ADAMTSL1: variants seen among roughly 807,000 people sequenced by gnomAD.
ADAMTSL1 encodes the protein ADAMTS-like protein 1.
ADAMTSL1 carries 126 observed loss-of-function variants against 201.8 expected under a neutral mutation model. The ratio of observed to expected loss-of-function variants is 0.62; its 90% CI spans 0.54 to 0.72. ADAMTSL1 has a LOEUF of 0.72. ADAMTSL1 is among the 30% of genes least tolerant of loss of function. The pLI is 0.00. For missense variants in ADAMTSL1, 2,679 were observed against 2,277.8 expected (o/e 1.18, Z -3.59); for synonymous variants, 1,121 against 903.4 (o/e 1.24, Z -4.32).
chr9:18,009,016 C>G (rs888434184), intron 1 of ADAMTSL1, among the ~76,000 whole-genome samples: 2 of 151,950 alleles, frequency 1.3e-5, no homozygotes, highest in African/African-American at 4.8e-5. Flanking sequence ...ATCACGAGCT[C>G]CATGTCTCTT....
At position 18,009,994 on chromosome 9, in the gene ADAMTSL1, C is replaced by T. The variant is rs551052158; in HGVS notation, c.87+103072C>T. On this transcript the variant is annotated intron_variant, in intron 1 of 29. Transcript: ENST00000680146. ...CATGAACTTCAGAAGAAACTTCGAA[C>T]CCATGCATCAATGATATGGGAAATT... Among the ~76,000 whole-genome samples the T allele has an allele frequency of 2.6e-5, 4 of 152,126 alleles. No individual in the cohort carries two copies. In the South Asian group the frequency reaches 8.3e-4, roughly 32 times the overall value.
intron 2 of ADAMTSL1, among the ~76,000 whole-genome samples, chr9:18,254,783 A>C (rs1475150231): frequency 6.6e-6 from 1 of 151,764 alleles, no homozygotes; most frequent in Non-Finnish European, 1.5e-5. Context: ...GGTATGTATA[A>C]AGTTATTAGC....
chr9:18,494,363 A>C (rs886378049), intron 1 of ADAMTSL1, among the ~76,000 whole-genome samples: 1 of 151,822 alleles, frequency 6.6e-6, no homozygotes, highest in Non-Finnish European at 1.5e-5. Context: ...AAAAAAAAAA[A>C]CCAGGCCAAG....
chr9:18,491,052 G>A (rs1394554256), intron 1 of ADAMTSL1, among the ~76,000 whole-genome samples: 1 of 152,186 alleles, frequency 6.6e-6, no homozygotes, highest in Non-Finnish European at 1.5e-5. Flanking sequence ...ATAAAAAGAA[G>A]AGAAAGTGCT....
At chr9:18,451,879 G>C (rs539706959) in intron 2 of ADAMTSL1, among the ~76,000 whole-genome samples, 1 of 152,338 alleles carries the variant, frequency 6.6e-6, no homozygotes, top group East Asian at 1.9e-4. Flanking sequence ...AAAGGCAAGA[G>C]AGGATGAGAG....
chr9:17,940,119 C>T (rs969160463), intron 1 of ADAMTSL1, among the ~76,000 whole-genome samples: 1 of 152,102 alleles, frequency 6.6e-6, no homozygotes, highest in Admixed American at 6.6e-5. Flanking sequence ...GTAGGTTAGA[C>T]CAGATTCGTG....
At chr9:17,982,083 A>C (rs1057303882) in intron 1 of ADAMTSL1, among the ~76,000 whole-genome samples, 1 of 152,188 alleles carries the variant, frequency 6.6e-6, no homozygotes, top group African/African-American at 2.4e-5. Flanking sequence ...AACATTTTCC[A>C]TATGGATAGT....
At chr9:18,676,432 T>C (rs1404284974) in intron 10 of ADAMTSL1, among the ~76,000 whole-genome samples, 2 of 152,130 alleles carry the variant, frequency 1.3e-5, no homozygotes, top group African/African-American at 4.8e-5. Flanking sequence ...GTTCAAAACA[T>C]TTTAGGAGAC....
intron 4 of ADAMTSL1, among the ~76,000 whole-genome samples, chr9:18,577,026 T>C (rs1822780218): frequency 6.6e-6 from 1 of 152,172 alleles, no homozygotes; most frequent in African/African-American, 2.4e-5. Flanking sequence ...CAGATTTGGC[T>C]GCCTATCAGA....
chr9:18,753,214 G>A (rs897537599), intron 15 of ADAMTSL1, 84 bp from the exon 16 acceptor site: 8 of 1,380,876 alleles, frequency 5.8e-6, no homozygotes, highest in African/African-American at 5.7e-5. Flanking sequence ...CCAGTTAGGG[G>A]TTTTAACTCC....
chr9:18,083,472 C>T lies in ADAMTSL1; in HGVS notation c.88-80390C>T, dbSNP rs183988927. On this transcript the variant is annotated intron_variant, in intron 1 of 29. Coordinates refer to the ADAMTSL1 transcript ENST00000680146. ...CATGATTGACTGTGGCATACATCACCCAAGAAAAATGTATGTCTGTTTTTA... is the reference window on the plus strand; with the variant it reads ...CATGATTGACTGTGGCATACATCACTCAAGAAAAATGTATGTCTGTTTTTA... 2.6e-5 allele frequency among the ~76,000 whole-genome samples: 4 copies of T among 152,226 alleles called. No individual in the cohort carries two copies. In the East Asian group the frequency reaches 7.7e-4, roughly 29 times the overall value.
chr9:18,499,608 T>G (rs1012046149), intron 1 of ADAMTSL1, among the ~76,000 whole-genome samples: 4 of 152,174 alleles, frequency 2.6e-5, no homozygotes, highest in African/African-American at 9.7e-5. Context: ...CTCTTTTTAA[T>G]ATAGAAGTGT....
At chr9:18,903,059 G>A (rs1489974457) in intron 26 of ADAMTSL1, among the ~76,000 whole-genome samples, 2 of 152,062 alleles carry the variant, frequency 1.3e-5, no homozygotes, top group East Asian at 3.9e-4. Context: ...ACAAAAATTA[G>A]CCAGGTGTGT....
At chr9:18,260,168 G>A (rs529916860) in intron 2 of ADAMTSL1, among the ~76,000 whole-genome samples, 6 of 152,154 alleles carry the variant, frequency 3.9e-5, no homozygotes, top group Non-Finnish European at 5.9e-5. Context: ...TTGGCATTGC[G>A]TAGATACCAC....
At chr9:18,611,943 C>T (rs1458054500) in intron 4 of ADAMTSL1, among the ~76,000 whole-genome samples, 1 of 151,478 alleles carries the variant, frequency 6.6e-6, no homozygotes, top group Non-Finnish European at 1.5e-5. Context: ...GCCAAAGGGT[C>T]GGAGCTCACA....
At chr9:18,588,917 A>ATTT (rs59155512) in intron 4 of ADAMTSL1, among the ~76,000 whole-genome samples, 1 of 142,364 alleles carries the variant, frequency 7.0e-6, no homozygotes, top group Non-Finnish European at 1.5e-5. Flanking sequence ...ATATATACAC[A>ATTT]TTTTTTTTTT....
intron 2 of ADAMTSL1, among the ~76,000 whole-genome samples, chr9:18,243,584 T>G (rs903478862): frequency 1.3e-5 from 2 of 152,052 alleles, no homozygotes; most frequent in Non-Finnish European, 2.9e-5. Flanking sequence ...TAATCATATG[T>G]TCATCCTGCC....
At chr9:18,115,958 C>T (rs1825231745) in intron 1 of ADAMTSL1, among the ~76,000 whole-genome samples, 1 of 152,126 alleles carries the variant, frequency 6.6e-6, no homozygotes. Context: ...CATGTGATAG[C>T]TTCTGCTGCA....
At chr9:18,067,223 T>A (rs1822745437) in intron 1 of ADAMTSL1, among the ~76,000 whole-genome samples, 1 of 152,198 alleles carries the variant, frequency 6.6e-6, no homozygotes. Context: ...GTAAATTTCA[T>A]CAAGTTATTT....
Sources: gnomAD v4.1 joint callset for allele counts (sites outside exome capture counted in the v4.1 genomes callset) on GRCh38, gnomAD v4.1.1 for gene constraint, MANE v1.5 for transcripts, NCBI Gene and HGNC (gene_info 2026-07-23, HGNC 2026-07-21) for gene names.